PTPN11: variants seen among roughly 807,000 people sequenced by gnomAD.
The protein encoded by PTPN11 is protein tyrosine phosphatase non-receptor type 11, also known as tyrosine-protein phosphatase non-receptor type 11.
PTPN11 carries 6 observed loss-of-function variants against 78.8 expected under a neutral mutation model. The ratio of observed to expected loss-of-function variants is 0.08; its 90% CI spans 0.04 to 0.15. The LOEUF (loss-of-function observed/expected upper bound fraction) is 0.15. Ranked by LOEUF, PTPN11 falls within the 10% of genes least tolerant of loss-of-function variation. PTPN11 has a pLI of 1.00. For missense variants in PTPN11, 386 were observed against 744.8 expected (o/e 0.52, Z 5.61); for synonymous variants, 221 against 263.5 (o/e 0.84, Z 1.56).
chr12:112,473,188 C>A, intron 7 of PTPN11, 148 bp downstream of exon 7: 1 of 705,386 alleles, frequency 1.4e-6, no homozygotes, highest in Non-Finnish European at 2.5e-6. Flanking sequence ...AAATAATCAA[C>A]CATGGTGGGT....
intron 2 of PTPN11, among the ~76,000 whole-genome samples, chr12:112,449,073 G>C (rs556948917): frequency 6.6e-5 from 10 of 151,800 alleles, no homozygotes; most frequent in Non-Finnish European, 1.5e-4. Context: ...TTTTAGTAGG[G>C]ACGGGGTTTC....
intron 1 of PTPN11, among the ~76,000 whole-genome samples, chr12:112,438,436 A>C (rs1388660591): frequency 6.6e-6 from 1 of 151,138 alleles, no homozygotes; most frequent in Non-Finnish European, 1.5e-5. Flanking sequence ...TGAACCTCCC[A>C]CCTCAGCCTC....
intron 7 of PTPN11, among the ~76,000 whole-genome samples, chr12:112,475,416 T>C (rs185754022): frequency 3.9e-5 from 6 of 152,164 alleles, no homozygotes; most frequent in Admixed American, 3.9e-4. Context: ...GTTTTATTGA[T>C]TGATTGATTG....
intron 6 of PTPN11, among the ~76,000 whole-genome samples, 192 bp from the exon 7 acceptor site, chr12:112,472,752 C>T (rs1457886502): frequency 6.6e-6 from 1 of 152,182 alleles, no homozygotes; most frequent in African/African-American, 2.4e-5. Context: ...CTGCCCACCT[C>T]AGCCTCCCAA....
intron 1 of PTPN11, among the ~76,000 whole-genome samples, chr12:112,426,990 A>AT (rs1430757623): frequency 6.6e-6 from 1 of 152,114 alleles, no homozygotes; most frequent in Non-Finnish European, 1.5e-5. Flanking sequence ...CACACCTATA[A>AT]TACCAGTACT....
chr12:112,431,271 A>G (rs2037708097), intron 1 of PTPN11, among the ~76,000 whole-genome samples: 1 of 152,194 alleles, frequency 6.6e-6, no homozygotes, highest in South Asian at 2.1e-4. Flanking sequence ...TGGTGAAGAA[A>G]TAGACATGTT....
chr12:112,495,646 C>T (rs1346056755), intron 13 of PTPN11, among the ~76,000 whole-genome samples: 1 of 152,078 alleles, frequency 6.6e-6, no homozygotes, highest in Non-Finnish European at 1.5e-5. Context: ...CTGATAAGCC[C>T]ATCATAAATT....
intron 13 of PTPN11, among the ~76,000 whole-genome samples, chr12:112,496,642 A>T (rs2038817733): frequency 6.6e-6 from 1 of 152,022 alleles, no homozygotes; most frequent in South Asian, 2.1e-4. Flanking sequence ...CTTATTTGTG[A>T]CTTCTTTCTC....
intron 3 of PTPN11, 31 bp from the exon 4 acceptor site, chr12:112,453,164 T>C: frequency 6.3e-7 from 1 of 1,583,800 alleles, no homozygotes; most frequent in Non-Finnish European, 8.7e-7. Context: ...ATAGTAGAGC[T>C]AAATTCTTTT....
At chr12:112,484,941 A>C (rs904097880) in intron 10 of PTPN11, among the ~76,000 whole-genome samples, 1 of 151,950 alleles carries the variant, frequency 6.6e-6, no homozygotes, top group South Asian at 2.1e-4. Flanking sequence ...AAAAAGAGAA[A>C]AGTGTCCTTT....
In PTPN11 at chr12:112,428,865, A is replaced by C. The variant is rs1328439324; in HGVS notation, c.14+9740A>C. ...CGGGTTCAAGCTATTCTCCTGCCTC[A>C]GCCTCCCGAGTAGCTGGGATTATAG... On this transcript the variant is annotated intron_variant, in intron 1 of 15. Coordinates refer to ENST00000351677, the MANE Select transcript of PTPN11 (RefSeq NM_002834.5). 4 of 153,194 alleles carry C rather than the reference A, an allele frequency of 2.6e-5. No homozygotes were observed. In the Admixed American group the frequency reaches 2.6e-4, roughly 10 times the overall value. The allele number at this position is 153,194 out of a possible 1,614,324, so 9.5% of individuals were successfully genotyped here.
intron 1 of PTPN11, among the ~76,000 whole-genome samples, chr12:112,421,162 G>C (rs1171279720): frequency 6.6e-6 from 1 of 152,108 alleles, no homozygotes. Flanking sequence ...AAAAAGCCGG[G>C]TTATGAACAT....
intron 3 of PTPN11, among the ~76,000 whole-genome samples, chr12:112,452,477 C>T (rs956809523): frequency 2.0e-5 from 3 of 152,128 alleles, no homozygotes; most frequent in Admixed American, 2.0e-4. Context: ...CCACCTGCCT[C>T]GGCCTCCCAA....
chr12:112,489,309 A>C (rs1448514953), intron 13 of PTPN11, 134 bp downstream of exon 13: 1 of 1,054,696 alleles, frequency 9.5e-7, no homozygotes, highest in Non-Finnish European at 1.5e-6. Context: ...ACTCCCAACT[A>C]AAAGGGCCTC....
At chr12:112,441,338 T>C (rs1342807982) in intron 1 of PTPN11, among the ~76,000 whole-genome samples, 1 of 151,762 alleles carries the variant, frequency 6.6e-6, no homozygotes, top group Non-Finnish European at 1.5e-5. Flanking sequence ...CTCTGCTCAC[T>C]GCATTCTCTG....
rs2038713642 is a variant in PTPN11 at position 112,489,015 on chromosome 12, C to T, written c.1448-9C>T. The T allele has an allele frequency of 1.9e-6, 3 of 1,612,926 alleles. No homozygotes were observed. Among genetic ancestry groups the T allele is most frequent in the South Asian group, 1.1e-5 (1 of 91,016 alleles). The stretch of plus-strand genomic sequence containing the variant: ...TTTCTCTTTATTCTTCATGATGTTT[C>T]CTTCGTAGGTGTTGACTGCGATATT... On this transcript the variant is annotated splice_polypyrimidine_tract_variant and intron_variant, in intron 12 of 15. Transcript: ENST00000351677.
chr12:112,472,057 C>CT (rs1440755945), intron 6 of PTPN11, among the ~76,000 whole-genome samples: 19 of 152,002 alleles, frequency 1.2e-4, no homozygotes, highest in African/African-American at 3.9e-4. Context: ...CCAGGCTGGT[C>CT]TTTAACTCCT....
intron 6 of PTPN11, among the ~76,000 whole-genome samples, chr12:112,464,577 C>T (rs923119336): frequency 4.6e-5 from 7 of 152,132 alleles, no homozygotes; most frequent in Admixed American, 3.9e-4. Context: ...CACGTACCAC[C>T]ACTCTCAGCT....
At chr12:112,445,561 CAT>C (rs1404155394) in intron 1 of PTPN11, among the ~76,000 whole-genome samples, 4 of 152,118 alleles carry the variant, frequency 2.6e-5, no homozygotes, top group Non-Finnish European at 5.9e-5. Context: ...TCTCCCTTCT[CAT>C]ATTTGTGTCT....
Sources: allele counts gnomAD v4.1 joint callset (sites outside exome capture counted in the v4.1 genomes callset), GRCh38; gene constraint gnomAD v4.1.1; transcripts MANE v1.5; gene names NCBI Gene and HGNC (gene_info 2026-07-23, HGNC 2026-07-21).